The following PCDH11X variants were observed in gnomAD, a reference collection of about 807,000 sequenced individuals.
PCDH11X encodes protocadherin-11 X-linked.
Under a neutral mutation model 53.3 loss-of-function variants are expected in PCDH11X, and 18 were observed. That is an observed-to-expected ratio of 0.34 (90% CI 0.23 to 0.50). The LOEUF is 0.50. PCDH11X is among the 20% of genes least tolerant of loss of function. PCDH11X has a pLI of 0.98. For synonymous variants in PCDH11X, 279 were observed against 393.3 expected (o/e 0.71, Z 3.44); for missense variants, 570 against 1,032.4 (o/e 0.55, Z 6.14).
chrX:92,056,823 C>T (rs1460194931), intron 6 of PCDH11X, among the ~76,000 whole-genome samples: 1 of 110,214 alleles, frequency 9.1e-6, no homozygotes, highest in Non-Finnish European at 1.9e-5. Flanking sequence ...AGCACATACA[C>T]ACACATGCAG....
intron 6 of PCDH11X, among the ~76,000 whole-genome samples, chrX:91,953,876 C>A (rs1192225944): frequency 9.1e-6 from 1 of 109,868 alleles, no homozygotes; most frequent in East Asian, 2.8e-4. Context: ...AAATAAATAT[C>A]TATTATATGC....
chrX:92,190,869 A>G (rs1243212694), intron 6 of PCDH11X, among the ~76,000 whole-genome samples: 4 of 111,319 alleles, frequency 3.6e-5, no homozygotes, highest in Admixed American at 1.9e-4. Context: ...AGAACTTTTC[A>G]CTCAGTTTTT....
intron 6 of PCDH11X, among the ~76,000 whole-genome samples, chrX:91,938,041 T>C (rs977636068): frequency 5.4e-5 from 6 of 110,617 alleles, no homozygotes; most frequent in Non-Finnish European, 1.1e-4. Flanking sequence ...GCATATACTT[T>C]CATACCATCT....
intron 6 of PCDH11X, among the ~76,000 whole-genome samples, chrX:91,964,138 A>G (rs1166146996): frequency 2.0e-5 from 2 of 102,470 alleles, no homozygotes; most frequent in African/African-American, 8.5e-5. Context: ...ACTGAAAACT[A>G]TAATGCATCA....
At chrX:92,143,481 C>T (rs760615302) in intron 6 of PCDH11X, among the ~76,000 whole-genome samples, 2 of 112,630 alleles carry the variant, frequency 1.8e-5, no homozygotes, top group Admixed American at 9.4e-5. Context: ...AAGGGGCCAA[C>T]GTAGAGCTTG....
chrX:91,897,081 A>G (rs2525185), intron 6 of PCDH11X, among the ~76,000 whole-genome samples: 1 of 105,864 alleles, frequency 9.4e-6, no homozygotes, highest in African/African-American at 3.8e-5. Flanking sequence ...GATATTTGCC[A>G]TGGAGCATAA....
intron 6 of PCDH11X, among the ~76,000 whole-genome samples, chrX:92,173,895 G>A (rs745588878): frequency 2.2e-4 from 21 of 95,628 alleles, no homozygotes; most frequent in African/African-American, 7.8e-4. Flanking sequence ...TGAGCTGAAA[G>A]GATCTCCTGA....
chrX:92,439,241 G>A (rs1400127660), intron 9 of PCDH11X, among the ~76,000 whole-genome samples: 1 of 111,271 alleles, frequency 9.0e-6, no homozygotes, highest in African/African-American at 3.3e-5. Context: ...ACCTCTGAAG[G>A]TAAGAACACC....
At chrX:91,926,984 C>G (rs901736877) in intron 6 of PCDH11X, among the ~76,000 whole-genome samples, 6 of 111,451 alleles carry the variant, frequency 5.4e-5, no homozygotes, top group Non-Finnish European at 7.6e-5. Context: ...TTCCTATCCT[C>G]TGGTAGACAC....
chrX:92,122,395 C>G lies in PCDH11X; in HGVS notation c.3034-78980C>G, dbSNP rs748640210. Reference sequence around the variant, plus strand: ...GGAAACAAGGTTTGAAATTATTGAGCCATGAACTGGTTGGTGTTTTCATGA... The same window carrying G: ...GGAAACAAGGTTTGAAATTATTGAGGCATGAACTGGTTGGTGTTTTCATGA... On this transcript the variant is annotated intron_variant, in intron 6 of 10. Transcript: ENST00000682573. 2.2e-4 allele frequency among the ~76,000 whole-genome samples: 24 copies of G among 111,528 alleles called. 1 individual carries two copies. The highest frequency in any genetic ancestry group is 2.0e-3 in the Admixed American group (21 of 10,403).
At chrX:92,010,379 T>C (rs35281645) in intron 6 of PCDH11X, among the ~76,000 whole-genome samples, 11,556 of 109,843 alleles carry the variant, frequency 0.11, 765 homozygotes, top group Admixed American at 0.32. Context: ...ATTCTTGTCA[T>C]CTGGGATGAT....
At chrX:92,148,053 CCTTCCTTTCTTT>C (rs1389944754) in intron 6 of PCDH11X, among the ~76,000 whole-genome samples, 49 of 49,237 alleles carry the variant, frequency 1.0e-3, no homozygotes, top group African/African-American at 4.6e-3. Context: ...TTCCTTCCTT[CCTTCCTTTCTTT>C]CTTTCTTTCT....
At chrX:92,153,337 T>TACAC (rs60031124) in intron 6 of PCDH11X, among the ~76,000 whole-genome samples, 33 of 104,358 alleles carry the variant, frequency 3.2e-4, no homozygotes, top group East Asian at 6.2e-4. Context: ...TAAATAAATA[T>TACAC]ACACACACAC....
intron 6 of PCDH11X, among the ~76,000 whole-genome samples, chrX:92,172,262 G>A (rs2065837155): frequency 9.4e-6 from 1 of 106,739 alleles, no homozygotes. Context: ...GTTTGAGTTA[G>A]CTGCAGTTAT....
chrX:92,593,633 G>C (rs1264553306), intron 10 of PCDH11X, among the ~76,000 whole-genome samples: 5 of 111,725 alleles, frequency 4.5e-5, no homozygotes, highest in Non-Finnish European at 7.5e-5. Context: ...AAGTTGCAAA[G>C]GGTTTGTGAA....
At chrX:92,407,954 C>T (rs1329453524) in intron 9 of PCDH11X, among the ~76,000 whole-genome samples, 1 of 108,817 alleles carries the variant, frequency 9.2e-6, no homozygotes, top group East Asian at 2.9e-4. Flanking sequence ...GGCATAATCT[C>T]GGCTCACTGA....
chrX:92,282,520 A>T (rs1156872294), intron 8 of PCDH11X, among the ~76,000 whole-genome samples: 5 of 112,064 alleles, frequency 4.5e-5, no homozygotes. Context: ...TGTACGTATG[A>T]TGAAGTTAAG....
intron 6 of PCDH11X, among the ~76,000 whole-genome samples, chrX:92,058,518 C>T (rs967573496): frequency 8.6e-4 from 96 of 111,513 alleles, no homozygotes; most frequent in Non-Finnish European, 1.2e-3. Flanking sequence ...TATGTAAAAA[C>T]GTATCTGCTT....
At chrX:92,085,406 G>A (rs1184806741) in intron 6 of PCDH11X, among the ~76,000 whole-genome samples, 3 of 105,076 alleles carry the variant, frequency 2.9e-5, no homozygotes, top group African/African-American at 1.0e-4. Flanking sequence ...CTGAATACTC[G>A]ATTTAAACCT....
Sources: gnomAD v4.1 joint callset for allele counts (sites outside exome capture counted in the v4.1 genomes callset) on GRCh38, gnomAD v4.1.1 for gene constraint, MANE v1.5 for transcripts, NCBI Gene and HGNC (gene_info 2026-07-23, HGNC 2026-07-21) for gene names.